ARHGAP20: variants seen among roughly 807,000 people sequenced by gnomAD.
ARHGAP20 encodes Rho GTPase activating protein 20.
Under a neutral mutation model 73.7 loss-of-function variants are expected in ARHGAP20, and 34 were observed. The ratio of observed to expected loss-of-function variants is 0.46; its 90% CI spans 0.35 to 0.61. The LOEUF (loss-of-function observed/expected upper bound fraction) is 0.61. ARHGAP20 is among the 20% of genes least tolerant of loss of function. The pLI, the probability that ARHGAP20 is intolerant of heterozygous loss-of-function variation, is 0.00. For synonymous variants in ARHGAP20, 523 were observed against 518.2 expected (o/e 1.01, Z -0.13); for missense variants, 1,314 against 1,420.9 (o/e 0.92, Z 1.21).
chr11:110,609,207 T>C (rs1225664971), intron 7 of ARHGAP20, among the ~76,000 whole-genome samples, 157 bp from the exon 8 acceptor site: 1 of 152,110 alleles, frequency 6.6e-6, no homozygotes. Flanking sequence ...GCCTTCACTA[T>C]ATAGGTAGCC....
intron 7 of ARHGAP20, among the ~76,000 whole-genome samples, chr11:110,610,019 G>GT (rs570866512): frequency 1.4e-4 from 21 of 151,916 alleles, no homozygotes; most frequent in African/African-American, 3.1e-4. Context: ...TAAATTAACA[G>GT]TTTTTTTTGG....
intron 2 of ARHGAP20, among the ~76,000 whole-genome samples, chr11:110,664,727 C>CAAAAAAAAAAAA (rs34643863): frequency 3.4e-5 from 3 of 88,308 alleles, no homozygotes; most frequent in Non-Finnish European, 5.0e-5. Context: ...GACTCCGTCT[C>CAAAAAAAAAAAA]AAAAAAAAAA....
chr11:110,651,624 A>G (rs910801636), intron 2 of ARHGAP20, among the ~76,000 whole-genome samples: 1 of 152,098 alleles, frequency 6.6e-6, no homozygotes, highest in Non-Finnish European at 1.5e-5. Flanking sequence ...TAGAAAATCT[A>G]GAAGAAATGA....
At chr11:110,711,781 G>A (rs1390459661) in intron 1 of ARHGAP20, 19 of 1,352,944 alleles carry the variant, frequency 1.4e-5, no homozygotes, top group Non-Finnish European at 1.7e-5. Flanking sequence ...CACGGCGAGG[G>A]GTCGGGGAAA....
chr11:110,609,109 G>A (rs941750402), intron 7 of ARHGAP20, 59 bp from the exon 8 acceptor site: 17 of 1,522,978 alleles, frequency 1.1e-5, no homozygotes, highest in Admixed American at 3.6e-5. Flanking sequence ...ACTTGAATGA[G>A]GACACATTTT....
Position 110,577,154 on chromosome 11 carries a change from T to C in ARHGAP20, c.*2216A>G. 6.5e-7 allele frequency: 1 copy of C among 1,534,858 alleles called. No individual in the cohort carries two copies. Among genetic ancestry groups the C allele is most frequent in the Non-Finnish European group, 8.7e-7 (1 of 1,146,348 alleles). On this transcript the variant is annotated 3_prime_UTR_variant, in exon 15 of 15. Transcript: ENST00000683387. Reference sequence around the variant, plus strand: ...AACTTTAAAAGTTAGCAGCAGTTTCTGCAAGTACAAAAATACACATTTATT... The same window carrying C: ...AACTTTAAAAGTTAGCAGCAGTTTCCGCAAGTACAAAAATACACATTTATT...
rs1947807347 is a variant in ARHGAP20, at chr11:110,590,813, T to C, written c.1144-4A>G. On this transcript the variant is annotated splice_region_variant and splice_polypyrimidine_tract_variant and intron_variant, in intron 10 of 14. Transcript: ENST00000683387. ...GATTAAGAAAGAAAAGCATATCCTA[T>C]GGGGAAGCAAAGGAAAATAAACAAA... 1.2e-6 allele frequency: 2 copies of C among 1,610,162 alleles called. No homozygotes were observed. The highest frequency in any genetic ancestry group is 2.2e-5 in the South Asian group (2 of 90,570).
rs182943860 is a variant in ARHGAP20, at chr11:110,607,178, G to A, written c.776-429C>T. Among the ~76,000 whole-genome samples, 48 of 152,206 alleles carry A rather than the reference G, an allele frequency of 3.2e-4. No individual in the cohort carries two copies. In the East Asian group the frequency reaches 7.5e-3, roughly 24 times the overall value. On this transcript the variant is annotated intron_variant, in intron 8 of 14. Transcript: ENST00000683387. Reference sequence around the variant, plus strand: ...TAAAATATTTTTTCTACCTACCACAGAAGTATAAGGATCTATATATGTCAA... The same window carrying A: ...TAAAATATTTTTTCTACCTACCACAAAAGTATAAGGATCTATATATGTCAA...
At chr11:110,603,509 C>A (rs1197087400) in intron 9 of ARHGAP20, among the ~76,000 whole-genome samples, 4 of 152,176 alleles carry the variant, frequency 2.6e-5, no homozygotes, top group African/African-American at 9.7e-5. Flanking sequence ...TTATATACTT[C>A]TTGTGCCGTT....
Position 110,606,619 on chromosome 11 carries a change from C to A in ARHGAP20, c.906G>T (p.Glu302Asp), listed in dbSNP as rs1482258423. The change falls in exon 9 of 15, where the codon GAG becomes GAT. Residue 302 changes from glutamate (E) to aspartate (D), a missense_variant. By Grantham distance (45) the Glu-to-Asp change is conservative. Around this residue, in one of 3 missense-constraint regions of ARHGAP20, gnomAD observed 443 missense variants for 466.4 expected, o/e 0.95. Coordinates refer to ENST00000683387, the MANE Select transcript of ARHGAP20 (RefSeq NM_001384657.1). ...EPFLMEQLPR[E>D]MQCQFILKPS... ...GCTTCAGGATGAACTGGCACTGCATCTCTCGGGGGAGCTGTTCCATAAGGA... is the reference window on the plus strand; with the variant it reads ...GCTTCAGGATGAACTGGCACTGCATATCTCGGGGGAGCTGTTCCATAAGGA... 2.5e-6 allele frequency: 4 copies of A among 1,612,980 alleles called. No homozygotes were observed. The highest frequency in any genetic ancestry group is 1.3e-5 in the African/African-American group (1 of 74,862).
rs146154986 is a variant in ARHGAP20, at chr11:110,593,902, G to A, written c.965-1747C>T. ...TCCATTTTCTCCAGTGAGAGTGCAC[G>A]ATAATTGGTAATTAGACTGGCTGTG... On this transcript the variant is annotated intron_variant, in intron 9 of 14. Coordinates refer to ENST00000683387, the MANE Select transcript of ARHGAP20 (RefSeq NM_001384657.1). Among the ~76,000 whole-genome samples, 78 of 152,346 alleles carry A rather than the reference G, an allele frequency of 5.1e-4. No individual in the cohort carries two copies. The East Asian group carries it at 0.013, about 25-fold the overall frequency.
intron 2 of ARHGAP20, among the ~76,000 whole-genome samples, chr11:110,650,612 G>T (rs1371714228): frequency 2.0e-5 from 3 of 152,018 alleles, no homozygotes; most frequent in Non-Finnish European, 4.4e-5. Flanking sequence ...TCTATTGCTG[G>T]AATTATTTTC....
chr11:110,641,768 T>C (rs1022688142), intron 2 of ARHGAP20, among the ~76,000 whole-genome samples: 11 of 151,956 alleles, frequency 7.2e-5, no homozygotes, highest in African/African-American at 9.7e-5. Flanking sequence ...GAAGAATCAA[T>C]AGAAACAGAT....
Position 110,577,641 on chromosome 11 carries a change from A to T in ARHGAP20, c.*1729T>A. 1.0e-6 allele frequency: 1 copy of T among 986,028 alleles called. No individual in the cohort carries two copies. The highest frequency in any genetic ancestry group is 4.7e-5 in the South Asian group (1 of 21,290). The allele number at this position is 986,028 out of a possible 1,614,324, so 61.1% of individuals were successfully genotyped here. ...TGCATATGGACACTTAGAAGTCTTA[A>T]TATGTAGGACTGGTTAGTTATAAAG... On this transcript the variant is annotated 3_prime_UTR_variant, in exon 15 of 15. Coordinates refer to ENST00000683387, the MANE Select transcript of ARHGAP20 (RefSeq NM_001384657.1).
chr11:110,601,808 A>G (rs1379338227), intron 9 of ARHGAP20, among the ~76,000 whole-genome samples: 1 of 151,924 alleles, frequency 6.6e-6, no homozygotes, highest in African/African-American at 2.4e-5. Context: ...ACATGGTGAA[A>G]CCCCATCTCT....
intron 2 of ARHGAP20, among the ~76,000 whole-genome samples, chr11:110,660,939 G>A (rs547114855): frequency 1.8e-4 from 28 of 152,138 alleles, no homozygotes; most frequent in Middle Eastern, 3.4e-3. Flanking sequence ...TTTTACACTC[G>A]TCATTCATAA....
chr11:110,687,188 C>T lies in ARHGAP20; in HGVS notation c.188+3359G>A, dbSNP rs188491239. 1.9e-3 allele frequency among the ~76,000 whole-genome samples: 282 copies of T among 150,308 alleles called. 1 individual carries two copies. Among genetic ancestry groups the T allele is most frequent in the Admixed American group, 3.3e-3 (49 of 15,056 alleles). Reference sequence around the variant, plus strand: ...CAACTCCTGGGCTTAAGTGATCCTCCCACCTCAGCCTTCCAAATAGCTGGG... The same window carrying T: ...CAACTCCTGGGCTTAAGTGATCCTCTCACCTCAGCCTTCCAAATAGCTGGG... On this transcript the variant is annotated intron_variant, in intron 2 of 14. Coordinates refer to ENST00000683387, the MANE Select transcript of ARHGAP20 (RefSeq NM_001384657.1).
chr11:110,696,583 T>TCATGTGCATGTG (rs536213035), intron 1 of ARHGAP20, among the ~76,000 whole-genome samples: 1 of 151,484 alleles, frequency 6.6e-6, no homozygotes, highest in African/African-American at 2.4e-5. Flanking sequence ...AATTCTAGAT[T>TCATGTGCATGTG]CATGTGCATG....
upstream of ARHGAP20, chr11:110,712,698 C>G (rs1160572426): frequency 6.6e-6 from 1 of 152,550 alleles, no homozygotes; most frequent in African/African-American, 2.4e-5. Context: ...GTGTCACGCA[C>G]GGGGGCCTCT....
Sources: gnomAD v4.1 joint callset for allele counts (sites outside exome capture counted in the v4.1 genomes callset) on GRCh38, gnomAD v4.1.1 for gene constraint, gnomAD v4.1.1 regional missense constraint, MANE v1.5 for transcripts, NCBI Gene and HGNC (gene_info 2026-07-23, HGNC 2026-07-21) for gene names.